Variants in GDI2 observed in about 807,000 individuals in gnomAD.
The protein encoded by GDI2 is GDP dissociation inhibitor 2, also known as rab GDP dissociation inhibitor beta.
A neutral mutation model predicts 54.2 loss-of-function variants in GDI2; 22 were observed. That is an observed-to-expected ratio of 0.41 (90% CI 0.29 to 0.58). GDI2 has a LOEUF of 0.58. Among genes scored for constraint, GDI2 ranks in the 20% least tolerant of loss-of-function variants. The pLI is 0.35. For missense variants in GDI2, 422 were observed against 546.0 expected (o/e 0.77, Z 2.26); for synonymous variants, 177 against 182.1 (o/e 0.97, Z 0.23).
chr10:5,797,198 G>T lies in GDI2; in HGVS notation c.154-336C>A, dbSNP rs148948620. On this transcript the variant is annotated intron_variant, in intron 2 of 10. Coordinates refer to ENST00000380191, the MANE Select transcript of GDI2 (RefSeq NM_001494.4). ...CCATGAGGCGGGTGGATCCCTTGAGGTCAGGAGTTTGAGACCAGCCTGACC... is the reference window on the plus strand; with the variant it reads ...CCATGAGGCGGGTGGATCCCTTGAGTTCAGGAGTTTGAGACCAGCCTGACC... Among the ~76,000 whole-genome samples, 895 of 151,972 alleles carry T rather than the reference G, an allele frequency of 5.9e-3. 12 individuals carry two copies. The highest frequency in any genetic ancestry group is 0.041 in the Middle Eastern group (12 of 294).
At chr10:5,772,627 T>C (rs61836364) in intron 7 of GDI2, among the ~76,000 whole-genome samples, 2 of 152,146 alleles carry the variant, frequency 1.3e-5, no homozygotes, top group Non-Finnish European at 2.9e-5. Flanking sequence ...CATGGTGGCA[T>C]GCATCTGTAA....
At chr10:5,788,301 T>C (rs1028810831) in intron 4 of GDI2, among the ~76,000 whole-genome samples, 3 of 152,088 alleles carry the variant, frequency 2.0e-5, no homozygotes, top group East Asian at 1.9e-4. Context: ...ACCTAGTCCC[T>C]ACTAGGTAGA....
intron 1 of GDI2, among the ~76,000 whole-genome samples, chr10:5,809,493 A>G (rs1273410797): frequency 6.6e-6 from 1 of 152,008 alleles, no homozygotes; most frequent in Non-Finnish European, 1.5e-5. Flanking sequence ...CTCCATTCAA[A>G]CCTTGCCAAT....
intron 6 of GDI2, among the ~76,000 whole-genome samples, chr10:5,783,125 G>A (rs542561430): frequency 6.6e-5 from 10 of 152,258 alleles, no homozygotes; most frequent in South Asian, 6.2e-4. Context: ...GGTGACACAA[G>A]GGAACTTTAT....
chr10:5,794,187 AAATATATATATATATATAT>A (rs1280567637), intron 4 of GDI2, among the ~76,000 whole-genome samples: 503 of 40,278 alleles, frequency 0.012, 44 homozygotes, highest in African/African-American at 0.043. Flanking sequence ...AAAAAAAAAA[AAATATATATATATATATAT>A]ATATATATAT....
At chr10:5,781,512 C>A (rs1840755238) in intron 6 of GDI2, among the ~76,000 whole-genome samples, 1 of 151,490 alleles carries the variant, frequency 6.6e-6, no homozygotes, top group Non-Finnish European at 1.5e-5. Context: ...GTAGTCCCAG[C>A]TACTCAGGAG....
intron 8 of GDI2, among the ~76,000 whole-genome samples, chr10:5,767,209 T>G (rs1229241918): frequency 6.6e-6 from 1 of 151,730 alleles, no homozygotes; most frequent in African/African-American, 2.4e-5. Context: ...AAAAAAACTC[T>G]GGGACCTCCT....
Position 5,785,966 on chromosome 10 carries a change from A to C in GDI2, c.473T>G (p.Phe158Cys). 1 of 1,613,308 alleles carries C rather than the reference A, an allele frequency of 6.2e-7. No individual in the cohort carries two copies. Among genetic ancestry groups the C allele is most frequent in the African/African-American group, 1.3e-5 (1 of 75,000 alleles). The change falls in exon 5 of 11, where the codon TTT (phenylalanine) becomes TGT (cysteine). Residue 158 changes from phenylalanine to cysteine, a missense_variant. Transcript: ENST00000380191. Reference sequence around the variant, plus strand: ...GGTCTTCTTAGGATCAATGCCTTCAAAAGTTCTTGGATCTTTTTCATCGAA... The same window carrying C: ...GGTCTTCTTAGGATCAATGCCTTCACAAGTTCTTGGATCTTTTTCATCGAA... Reference protein sequence around the residue: ...ANFDEKDPRTFEGIDPKKTTM... With the variant: ...ANFDEKDPRTCEGIDPKKTTM...
intron 1 of GDI2, chr10:5,812,025 G>A: frequency 2.7e-6 from 1 of 372,438 alleles, no homozygotes; most frequent in South Asian, 2.4e-5. Context: ...AATTTGAAGT[G>A]GAAGTCTACA....
rs533561860 is a variant in GDI2, at chr10:5,786,729, A to G, written c.389-679T>C. ...CCTTTGACAACTCTGATCTACACTCAGCCAATTGCCTAAATTCTGAATGCT... is the reference window on the plus strand; with the variant it reads ...CCTTTGACAACTCTGATCTACACTCGGCCAATTGCCTAAATTCTGAATGCT... On this transcript the variant is annotated intron_variant, in intron 4 of 10. Transcript: ENST00000380191. 1.9e-3 allele frequency among the ~76,000 whole-genome samples: 287 copies of G among 152,342 alleles called. 1 individual carries two copies. Among genetic ancestry groups the G allele is most frequent in the African/African-American group, 6.4e-3 (267 of 41,574 alleles).
rs149498311 is a variant in GDI2 at position 5,786,582 on chromosome 10, A to T, written c.389-532T>A. Among the ~76,000 whole-genome samples, 325 of 141,350 alleles carry T rather than the reference A, an allele frequency of 2.3e-3. 3 individuals carry two copies. Among genetic ancestry groups the T allele is most frequent in the African/African-American group, 7.8e-3 (310 of 39,740 alleles). The allele number at this position is 141,350 out of a possible 152,430, so 92.7% of individuals were successfully genotyped here. A position where few individuals can be genotyped will look rare whatever the true frequency, so the allele number is the denominator to read the frequency against. On this transcript the variant is annotated intron_variant, in intron 4 of 10. Coordinates refer to ENST00000380191, the MANE Select transcript of GDI2 (RefSeq NM_001494.4). ...ATAAAGTCTTCAATTCTACCATACA[A>T]TTACAAGTAATTAAAACTACTACTT...
intron 4 of GDI2, among the ~76,000 whole-genome samples, chr10:5,794,121 C>T (rs1236042533): frequency 7.0e-6 from 1 of 143,734 alleles, no homozygotes; most frequent in Non-Finnish European, 1.5e-5. Context: ...CCTCTGAGAT[C>T]GCGCCATCAC....
At chr10:5,808,202 T>C (rs1387179493) in intron 1 of GDI2, among the ~76,000 whole-genome samples, 1 of 151,912 alleles carries the variant, frequency 6.6e-6, no homozygotes, top group Non-Finnish European at 1.5e-5. Context: ...ATGCCTCCTG[T>C]AGTTCCAGCT....
At chr10:5,791,288 G>A (rs980360060) in intron 4 of GDI2, among the ~76,000 whole-genome samples, 3 of 151,846 alleles carry the variant, frequency 2.0e-5, no homozygotes, top group South Asian at 2.1e-4. Flanking sequence ...GTGAGACCCT[G>A]TTTCAAAAAA....
At chr10:5,796,635 C>T in intron 3 of GDI2, 128 bp downstream of exon 3, 1 of 602,446 alleles carries the variant, frequency 1.7e-6, no homozygotes, top group Non-Finnish European at 3.0e-6. Flanking sequence ...GACCATGTTA[C>T]TCACCATGCT....
intron 1 of GDI2, among the ~76,000 whole-genome samples, chr10:5,804,071 A>G (rs1253122539): frequency 6.7e-6 from 1 of 150,060 alleles, no homozygotes; most frequent in Non-Finnish European, 1.5e-5. Context: ...TTCAAATTTC[A>G]CTATAGGAGT....
In GDI2 at chr10:5,774,480, T is replaced by C. The variant is rs79878123; in HGVS notation, c.720-539A>G. 3.5e-3 allele frequency among the ~76,000 whole-genome samples: 537 copies of C among 152,314 alleles called. 3 individuals are homozygous for C. The highest frequency in any genetic ancestry group is 0.012 in the African/African-American group (510 of 41,570). ...AGAGACCTCTACACCTCATTTTCTT[T>C]GGCTGGAGGCGTTCAACCCCCATAC... On this transcript the variant is annotated intron_variant, in intron 6 of 10. Transcript: ENST00000380191. The surrounding 1 kb of genome is among the most constrained non-coding windows in gnomAD (Gnocchi z 4.8).
intron 4 of GDI2, among the ~76,000 whole-genome samples, chr10:5,792,900 T>C (rs1841047807): frequency 6.9e-6 from 1 of 144,108 alleles, no homozygotes; most frequent in Non-Finnish European, 1.5e-5. Flanking sequence ...ACTGAAGCTT[T>C]AATATAAGTA....
chr10:5,802,984 A>G (rs1841302262), intron 1 of GDI2, among the ~76,000 whole-genome samples: 1 of 152,230 alleles, frequency 6.6e-6, no homozygotes, highest in African/African-American at 2.4e-5. Flanking sequence ...CTGAAAGGCT[A>G]TATTTAAATT....
Sources: gnomAD v4.1 joint callset for allele counts (sites outside exome capture counted in the v4.1 genomes callset) on GRCh38, gnomAD v4.1.1 for gene constraint, Gnocchi (gnomAD v3.1) non-coding constraint, MANE v1.5 for transcripts, NCBI Gene and HGNC (gene_info 2026-07-23, HGNC 2026-07-21) for gene names.